ATP13A5: variants seen among roughly 807,000 people sequenced by gnomAD.
The protein encoded by ATP13A5 is ATPase 13A5.
A neutral mutation model predicts 150.2 loss-of-function variants in ATP13A5; 149 were observed. The ratio of observed to expected loss-of-function variants is 0.99; its 90% CI spans 0.87 to 1.14. The LOEUF (loss-of-function observed/expected upper bound fraction) is 1.14, where lower values mean the gene tolerates loss of function less well. Among genes scored for constraint, ATP13A5 ranks in the 50% most tolerant of loss-of-function variants. The probability of loss-of-function intolerance (pLI) is 0.00; values close to 1 mark genes in which losing one functional copy is unlikely to be tolerated. For synonymous variants in ATP13A5, 497 were observed against 522.2 expected (o/e 0.95, Z 0.66); for missense variants, 1,383 against 1,449.3 (o/e 0.95, Z 0.74).
At chr3:193,335,684 A>C (rs769247171) in intron 9 of ATP13A5, among the ~76,000 whole-genome samples, 30 of 152,270 alleles carry the variant, frequency 2.0e-4, no homozygotes, top group South Asian at 1.2e-3. Flanking sequence ...CATTTTTATC[A>C]TCTCATTCTT....
chr3:193,361,720 G>A (rs1427902147), intron 5 of ATP13A5, among the ~76,000 whole-genome samples: 1 of 152,116 alleles, frequency 6.6e-6, no homozygotes, highest in Non-Finnish European at 1.5e-5. Context: ...CCTAATTTAT[G>A]TGCATCTATA....
At position 193,351,130 on chromosome 3, in the gene ATP13A5, G is replaced by A. The variant is rs750321224; in HGVS notation, c.678C>T (p.Tyr226=). Residue 226 remains tyrosine, a synonymous_variant, in exon 7 of 30, where the codon TAC becomes TAT. Transcript: ENST00000342358. ...CAGTCAAAATGATGATGGCCACAGA[G>A]TATTCTATGTAACCTTGAGACAGCC... ...TLWLSQGYIE[Y]SVAIIILTVI... 1 of 1,613,776 alleles carries A rather than the reference G, an allele frequency of 6.2e-7. No individual in the cohort carries two copies. Among genetic ancestry groups the A allele is most frequent in the Non-Finnish European group, 8.5e-7 (1 of 1,179,750 alleles).
chr3:193,311,819 T>C lies in ATP13A5; in HGVS notation c.2442A>G (p.Pro814=). 1 of 1,613,810 alleles carries C rather than the reference T, an allele frequency of 6.2e-7. No individual in the cohort carries two copies. Among genetic ancestry groups the C allele is most frequent in the Non-Finnish European group, 8.5e-7 (1 of 1,179,830 alleles). Residue 814 remains proline, a synonymous_variant, in exon 20 of 30, where the codon CCA becomes CCG. Transcript: ENST00000342358. Reference sequence around the variant, plus strand: ...CACTTCTTTCTTCAGTACTTACTTTTGGAAGCAAGCTGTTGAAATGCTGAA... The same window carrying C: ...CACTTCTTTCTTCAGTACTTACTTTCGGAAGCAAGCTGTTGAAATGCTGAA... The part of the protein sequence containing the change: ...VIFQHFNSLL[P]KILVNGTVFA...
At position 193,318,778 on chromosome 3, in the gene ATP13A5, A is replaced by C. The variant is rs1719147895; in HGVS notation, c.2033+213T>G. 2.0e-5 allele frequency among the ~76,000 whole-genome samples: 3 copies of C among 152,184 alleles called. No homozygotes were observed. The South Asian group carries it at 6.2e-4, about 32-fold the overall frequency. On this transcript the variant is annotated intron_variant, in intron 17 of 29. Transcript: ENST00000342358. ...TTGGAGTCAGAAGCTCTCAAGTACC[A>C]TCCTTGTTCTGCCACCAACCAGCAT...
chr3:193,358,424 C>A (rs1193658292), intron 5 of ATP13A5, among the ~76,000 whole-genome samples: 2 of 152,184 alleles, frequency 1.3e-5, no homozygotes, highest in Non-Finnish European at 2.9e-5. Flanking sequence ...TATAGCACAA[C>A]AAGAGTGCTG....
chr3:193,352,565 A>G (rs570680035), intron 6 of ATP13A5, among the ~76,000 whole-genome samples: 58 of 152,256 alleles, frequency 3.8e-4, no homozygotes, highest in Non-Finnish European at 7.8e-4. Flanking sequence ...TCAAATTAGA[A>G]CACATTGACC....
Position 193,326,863 on chromosome 3 carries a change from T to A in ATP13A5, c.1523+133A>T, listed in dbSNP as rs1719484175. ...AATTCATTTAAGCAAGTTAGAATAA[T>A]TAGGAACTAGTTCCAGCCAACTATT... is the stretch of plus-strand genomic sequence containing the variant. On this transcript the variant is annotated intron_variant, in intron 13 of 29. Transcript: ENST00000342358. 23 of 744,138 alleles carry A rather than the reference T, an allele frequency of 3.1e-5. No homozygotes were observed. In the South Asian group the frequency reaches 3.7e-4, roughly 12 times the overall value. 46.1% of individuals were successfully genotyped at this position (744,138 alleles called of 1,614,324 possible). A position where few individuals can be genotyped will look rare whatever the true frequency, so the allele number is the denominator to read the frequency against.
chr3:193,351,700 G>A (rs969364774), intron 6 of ATP13A5, among the ~76,000 whole-genome samples: 5 of 152,118 alleles, frequency 3.3e-5, no homozygotes. Flanking sequence ...CATGTCACAG[G>A]TCCTAGCAAG....
intron 25 of ATP13A5, among the ~76,000 whole-genome samples, chr3:193,298,408 T>A (rs574634669): frequency 6.6e-6 from 1 of 152,246 alleles, no homozygotes; most frequent in African/African-American, 2.4e-5. Flanking sequence ...AGTCATTGGG[T>A]TGATACATAA....
chr3:193,377,284 G>A (rs1267488607), intron 1 of ATP13A5, among the ~76,000 whole-genome samples: 2 of 152,156 alleles, frequency 1.3e-5, no homozygotes, highest in African/African-American at 4.8e-5. Context: ...TTAAAGTGCT[G>A]TGCTATTGTC....
chr3:193,321,599 C>T (rs1719279790), intron 16 of ATP13A5, 82 bp downstream of exon 16: 1 of 1,504,490 alleles, frequency 6.6e-7, no homozygotes, highest in South Asian at 1.3e-5. Context: ...CCACTGCACT[C>T]CAGCCTTGGG....
At chr3:193,307,097 C>G (rs1168350375) in intron 22 of ATP13A5, 8 of 1,343,406 alleles carry the variant, frequency 6.0e-6, no homozygotes, top group Non-Finnish European at 5.7e-6. Context: ...GTCTAAGTAG[C>G]CTTCCTTTGT....
At chr3:193,302,016 T>C (rs1718418461) in intron 23 of ATP13A5, among the ~76,000 whole-genome samples, 1 of 152,074 alleles carries the variant, frequency 6.6e-6, no homozygotes, top group Non-Finnish European at 1.5e-5. Flanking sequence ...TTATGACAGG[T>C]TAGAAGAAAA....
chr3:193,359,626 C>T (rs543612518), intron 5 of ATP13A5, among the ~76,000 whole-genome samples: 1 of 152,340 alleles, frequency 6.6e-6, no homozygotes, highest in South Asian at 2.1e-4. Context: ...AACGGGGAGC[C>T]TCTCTTCCCA....
chr3:193,278,135 C>T (rs911123187), intron 28 of ATP13A5, among the ~76,000 whole-genome samples: 10 of 152,140 alleles, frequency 6.6e-5, no homozygotes, highest in Non-Finnish European at 1.3e-4. Flanking sequence ...ATGGTCTTCT[C>T]CCCTAGCTTC....
chr3:193,333,139 T>TCA (rs10571991), intron 11 of ATP13A5, among the ~76,000 whole-genome samples: 49 of 148,898 alleles, frequency 3.3e-4, no homozygotes, highest in East Asian at 1.2e-3. Context: ...TCTCTCTCTC[T>TCA]CACACACACA....
chr3:193,297,510 C>T (rs918356569), intron 25 of ATP13A5, among the ~76,000 whole-genome samples: 1 of 152,062 alleles, frequency 6.6e-6, no homozygotes, highest in Non-Finnish European at 1.5e-5. Flanking sequence ...CCTCTACTCT[C>T]TCCTTCACCA....
intron 8 of ATP13A5, among the ~76,000 whole-genome samples, chr3:193,344,446 C>A (rs1560142962): frequency 6.6e-6 from 1 of 152,142 alleles, no homozygotes; most frequent in Non-Finnish European, 1.5e-5. Context: ...ATAACTTCTG[C>A]TGTCCCAGGG....
intron 27 of ATP13A5, among the ~76,000 whole-genome samples, chr3:193,283,570 C>T (rs1186904951): frequency 6.6e-6 from 1 of 152,080 alleles, no homozygotes; most frequent in Non-Finnish European, 1.5e-5. Flanking sequence ...CAGACCAGCA[C>T]AAATTTTGTT....
Sources: allele counts gnomAD v4.1 joint callset (sites outside exome capture counted in the v4.1 genomes callset), GRCh38; gene constraint gnomAD v4.1.1; transcripts MANE v1.5; gene names NCBI Gene and HGNC (gene_info 2026-07-23, HGNC 2026-07-21).